ARMC3: variants seen among roughly 807,000 people sequenced by gnomAD.
ARMC3 encodes the protein armadillo repeat containing 3, also known as armadillo repeat-containing protein 3.
Under a neutral mutation model 90.3 loss-of-function variants are expected in ARMC3, and 74 were observed. That is an observed-to-expected ratio of 0.82 (90% CI 0.68 to 0.99). ARMC3 has a LOEUF of 0.99. ARMC3 is among the 50% of genes least tolerant of loss of function. ARMC3 has a pLI of 0.00. For missense variants in ARMC3, 958 were observed against 1,042.8 expected (o/e 0.92, Z 1.12); for synonymous variants, 334 against 361.8 (o/e 0.92, Z 0.87).
chr10:22,932,545 C>T (rs1374457623), intron 2 of ARMC3, among the ~76,000 whole-genome samples: 1 of 152,202 alleles, frequency 6.6e-6, no homozygotes, highest in Non-Finnish European at 1.5e-5. Context: ...GTAATTCATT[C>T]CCCACTGAAA....
At chr10:23,019,603 G>A (rs1838425590) in intron 16 of ARMC3, among the ~76,000 whole-genome samples, 1 of 152,090 alleles carries the variant, frequency 6.6e-6, no homozygotes, top group Non-Finnish European at 1.5e-5. Context: ...GAGTGCAGTG[G>A]TGTGATCTTG....
At chr10:22,984,149 G>T (rs553355991) in intron 10 of ARMC3, among the ~76,000 whole-genome samples, 1 of 152,182 alleles carries the variant, frequency 6.6e-6, no homozygotes, top group South Asian at 2.1e-4. Flanking sequence ...ATGCACATAA[G>T]TGTTGCAAAT....
Position 23,002,181 on chromosome 10 carries a change from T to G in ARMC3, c.1562+126T>G, listed in dbSNP as rs1564385262. ...TCTCTCAGTCCGCTGAAGCGCTGCA[T>G]GTCCCCAGGGCGGGCCTTGGCTTGG... On this transcript the variant is annotated intron_variant, in intron 12 of 18. Coordinates refer to ENST00000298032, the MANE Select transcript of ARMC3 (RefSeq NM_173081.5). 3 of 1,377,400 alleles carry G rather than the reference T, an allele frequency of 2.2e-6. No individual in the cohort carries two copies. In the South Asian group the frequency reaches 4.6e-5, roughly 21 times the overall value. The allele number at this position is 1,377,400 out of a possible 1,614,324, so 85.3% of individuals were successfully genotyped here. A position where few individuals can be genotyped will look rare whatever the true frequency, so the allele number is the denominator to read the frequency against.
Position 22,959,117 on chromosome 10 carries a change from A to G in ARMC3, c.340A>G (p.Ile114Val), listed in dbSNP as rs910127016. The change falls in exon 5 of 19, where the codon ATT (isoleucine) becomes GTT (valine). Residue 114 changes from isoleucine to valine, a missense_variant. By Grantham distance (29) the Ile-to-Val change is conservative. Transcript: ENST00000298032. Reference sequence around the variant, plus strand: ...GGAGTTAGATGTCATGAATTCTGTCATTGCCCAGCTCGCTCCAGAAGGTAA... The same window carrying G: ...GGAGTTAGATGTCATGAATTCTGTCGTTGCCCAGCTCGCTCCAGAAGGTAA... The part of the protein sequence containing the change: ...LRELDVMNSV[I>V]AQLAPEEEVV... The G allele has an allele frequency of 3.5e-5, 57 of 1,613,452 alleles. 1 individual carries two copies.
At chr10:22,935,447 C>T (rs1274755580) in intron 2 of ARMC3, among the ~76,000 whole-genome samples, 2 of 152,134 alleles carry the variant, frequency 1.3e-5, no homozygotes, top group Admixed American at 1.3e-4. Context: ...ATCTATTGGA[C>T]AACACTATTC....
chr10:22,968,317 C>A lies in ARMC3; in HGVS notation c.744C>A (p.Asp248Glu), dbSNP rs142859198. The change falls in exon 8 of 19, where the codon GAC (aspartate) becomes GAA (glutamate). Residue 248 changes from aspartate (D) to glutamate (E), a missense_variant. Transcript: ENST00000298032. ...GCTTTTATTATTAGGAATTGAATGA[C>A]CTTCATATAGAAGCACTTGCAGTGA... ...IKILETKELN[D>E]LHIEALAVIA... is the part of the protein sequence containing the mutation. 1.6e-4 allele frequency: 254 copies of A among 1,613,576 alleles called. 1 individual carries two copies. The African/African-American group carries it at 2.7e-3, about 17-fold the overall frequency.
intron 5 of ARMC3, 80 bp downstream of exon 5, chr10:22,959,218 C>A: frequency 7.1e-7 from 1 of 1,406,134 alleles, no homozygotes; most frequent in Non-Finnish European, 1.0e-6. Context: ...GAAAATCATT[C>A]ATGAAATATT....
At chr10:23,031,895 C>CT (rs111714302) in intron 17 of ARMC3, among the ~76,000 whole-genome samples, 5 of 152,062 alleles carry the variant, frequency 3.3e-5, no homozygotes, top group East Asian at 1.9e-4. Flanking sequence ...TCTCTTTTTT[C>CT]TTTTTTTAAA....
chr10:22,998,339 A>G lies in ARMC3; in HGVS notation c.1367A>G (p.Gln456Arg), dbSNP rs1837103654. 1 of 1,613,890 alleles carries G rather than the reference A, an allele frequency of 6.2e-7. No homozygotes were observed. Among genetic ancestry groups the G allele is most frequent in the Non-Finnish European group, 8.5e-7 (1 of 1,179,964 alleles). ...CTGCGTTCTGCAAACACAGTCGTGC[A>G]GAGCAAAGCTGCTCTCGCTGTCACC... ...SPLRSANTVV[Q>R]SKAALAVTAT... Residue 456 changes from glutamine (Q) to arginine (R), a missense_variant, in exon 11 of 19, where the codon CAG (glutamine) becomes CGG (arginine). Transcript: ENST00000298032.
intron 8 of ARMC3, among the ~76,000 whole-genome samples, chr10:22,973,346 C>T (rs1016156518): frequency 6.7e-6 from 1 of 149,314 alleles, no homozygotes; most frequent in Non-Finnish European, 1.5e-5. Context: ...ATCCTAACAT[C>T]TTTGATTTAT....
At chr10:23,006,022 A>G (rs1235967785) in intron 13 of ARMC3, among the ~76,000 whole-genome samples, 2 of 152,184 alleles carry the variant, frequency 1.3e-5, no homozygotes, top group East Asian at 1.9e-4. Flanking sequence ...GAGGGTGATC[A>G]TTTCCAAGCC....
At chr10:22,978,088 T>G (rs1329387349) in intron 8 of ARMC3, among the ~76,000 whole-genome samples, 3 of 152,176 alleles carry the variant, frequency 2.0e-5, no homozygotes, top group Non-Finnish European at 4.4e-5. Context: ...ACCTCTTAAC[T>G]CTTATTATCT....
intron 16 of ARMC3, among the ~76,000 whole-genome samples, chr10:23,021,507 C>T (rs1160549573): frequency 6.6e-6 from 1 of 152,100 alleles, no homozygotes; most frequent in East Asian, 1.9e-4. Flanking sequence ...TTAGTAATAG[C>T]CATTCTAACT....
intron 2 of ARMC3, among the ~76,000 whole-genome samples, chr10:22,932,747 C>A (rs942138289): frequency 1.3e-5 from 2 of 152,232 alleles, no homozygotes; most frequent in Non-Finnish European, 2.9e-5. Context: ...AGTCCACAGA[C>A]TCACAGCAAT....
At chr10:22,980,040 C>T (rs572946781) in intron 8 of ARMC3, among the ~76,000 whole-genome samples, 1 of 151,788 alleles carries the variant, frequency 6.6e-6, no homozygotes, top group African/African-American at 2.4e-5. Context: ...TTTGAGTCAT[C>T]GTTGAAGGAA....
In ARMC3 at chr10:23,037,631, G is replaced by A; in HGVS notation, c.*152G>A. ...CTGCGTAGAAATTAGGAAGCTTGGAGTGAACTTTGCTGTGCTTCTGATTTC... is the reference window on the plus strand; with the variant it reads ...CTGCGTAGAAATTAGGAAGCTTGGAATGAACTTTGCTGTGCTTCTGATTTC... On this transcript the variant is annotated 3_prime_UTR_variant, in exon 19 of 19. Coordinates refer to ENST00000298032, the MANE Select transcript of ARMC3 (RefSeq NM_173081.5). The A allele has an allele frequency of 1.3e-6, 1 of 774,728 alleles. No individual in the cohort carries two copies. Among genetic ancestry groups the A allele is most frequent in the Non-Finnish European group, 1.9e-6 (1 of 526,468 alleles). The allele number at this position is 774,728 out of a possible 1,614,324, so 48.0% of individuals were successfully genotyped here.
chr10:23,016,842 C>G (rs1838295692), intron 16 of ARMC3, among the ~76,000 whole-genome samples: 1 of 152,204 alleles, frequency 6.6e-6, no homozygotes, highest in South Asian at 2.1e-4. Flanking sequence ...GCAGCACGCT[C>G]TGTGAGACAC....
intron 15 of ARMC3, among the ~76,000 whole-genome samples, 163 bp downstream of exon 15, chr10:23,008,537 T>C (rs930394161): frequency 2.6e-5 from 4 of 152,238 alleles, no homozygotes; most frequent in African/African-American, 4.8e-5. Flanking sequence ...ATCTCTGGAA[T>C]AGGAGCCAGG....
At chr10:22,961,331 C>G (rs1326396253) in intron 6 of ARMC3, 1 of 152,226 alleles carries the variant, frequency 6.6e-6, no homozygotes, top group African/African-American at 2.4e-5. Context: ...TTCACTCACA[C>G]AGAATCATAG....
Sources: allele counts gnomAD v4.1 joint callset (sites outside exome capture counted in the v4.1 genomes callset), GRCh38; gene constraint gnomAD v4.1.1; transcripts MANE v1.5; gene names NCBI Gene and HGNC (gene_info 2026-07-23, HGNC 2026-07-21).